The following IMPG2 variants were observed in gnomAD, a reference collection of about 807,000 sequenced individuals.
The protein encoded by IMPG2 is IPM 200.
A neutral mutation model predicts 129.2 loss-of-function variants in IMPG2; 91 were observed. The ratio of observed to expected loss-of-function variants is 0.70; its 90% CI spans 0.59 to 0.84. The LOEUF (loss-of-function observed/expected upper bound fraction) is 0.84, where lower values mean the gene tolerates loss of function less well. IMPG2 is among the 40% of genes least tolerant of loss of function. The pLI is 0.00. For synonymous variants in IMPG2, 510 were observed against 517.7 expected, an observed-to-expected ratio of 0.99 and a Z score of 0.20; for missense variants, 1,430 against 1,461.7, an observed-to-expected ratio of 0.98 and a Z score of 0.35.
intron 2 of IMPG2, among the ~76,000 whole-genome samples, chr3:101,305,287 C>A (rs939903405): frequency 3.7e-4 from 56 of 152,152 alleles, no homozygotes; most frequent in African/African-American, 1.3e-3. Context: ...AAAGGCAAAA[C>A]TATGGAGACA....
At chr3:101,301,654 AG>A (rs1295907821) in intron 3 of IMPG2, among the ~76,000 whole-genome samples, 1 of 152,214 alleles carries the variant, frequency 6.6e-6, no homozygotes, top group African/African-American at 2.4e-5. Flanking sequence ...AGAAACTGGA[AG>A]GCTTCTTGGG....
At position 101,275,698 on chromosome 3, in the gene IMPG2, C is replaced by T. The variant is rs1387048866; in HGVS notation, c.631G>A (p.Ala211Thr). The T allele has an allele frequency of 3.1e-6, 5 of 1,614,000 alleles. No homozygotes were observed. In the South Asian group the frequency reaches 5.5e-5, roughly 18 times the overall value. ...PHPEVDAYEG[A>T]SESSLERPEE... is the part of the protein sequence containing the mutation. ...GGCCTTTCCAAGCTGCTCTCTGAGG[C>T]ACCTTCATAGGCGTCCACCTCTGGA... The change falls in exon 6 of 19, where the codon GCC becomes ACC. Residue 211 changes from alanine to threonine, a missense_variant. Ala to Thr is a moderately conservative substitution (Grantham distance 58, BLOSUM62 0). Coordinates refer to ENST00000193391, the MANE Select transcript of IMPG2 (RefSeq NM_016247.4).
chr3:101,305,402 G>A (rs553739380), intron 2 of IMPG2, among the ~76,000 whole-genome samples: 1 of 152,246 alleles, frequency 6.6e-6, no homozygotes, highest in Admixed American at 6.5e-5. Flanking sequence ...TACTATAATG[G>A]AGGATACATG....
intron 14 of IMPG2, among the ~76,000 whole-genome samples, chr3:101,234,012 G>A (rs1403747768): frequency 2.0e-5 from 3 of 151,726 alleles, no homozygotes; most frequent in African/African-American, 7.3e-5. Context: ...CTTGGAGTTT[G>A]GAGATCACTG....
intron 2 of IMPG2, among the ~76,000 whole-genome samples, chr3:101,306,754 G>C (rs529636436): frequency 6.6e-6 from 1 of 152,102 alleles, no homozygotes; most frequent in South Asian, 2.1e-4. Context: ...AAAATGATTT[G>C]AAATATTAGG....
intron 3 of IMPG2, among the ~76,000 whole-genome samples, chr3:101,291,834 C>A (rs545870019): frequency 6.6e-6 from 1 of 152,162 alleles, no homozygotes; most frequent in East Asian, 1.9e-4. Flanking sequence ...ATAAACCTGC[C>A]ATGGATTTAG....
rs137976588 is a variant in IMPG2, at chr3:101,291,556, T to C, written c.502-46A>G. ...AAAATGACTGAGTTAACAACAGTTATTAAGGAGTAAATAAAACTTATTTCA... is the reference window on the plus strand; with the variant it reads ...AAAATGACTGAGTTAACAACAGTTACTAAGGAGTAAATAAAACTTATTTCA... On this transcript the variant is annotated intron_variant, in intron 3 of 18. Coordinates refer to ENST00000193391, the MANE Select transcript of IMPG2 (RefSeq NM_016247.4). The C allele has an allele frequency of 4.1e-5, 60 of 1,459,892 alleles. No individual in the cohort carries two copies. In the African/African-American group the frequency reaches 6.7e-4, roughly 16 times the overall value. The allele number at this position is 1,459,892 out of a possible 1,614,324, so 90.4% of individuals were successfully genotyped here.
intron 3 of IMPG2, among the ~76,000 whole-genome samples, chr3:101,301,763 T>C (rs1707141713): frequency 6.6e-6 from 1 of 152,210 alleles, no homozygotes; most frequent in Non-Finnish European, 1.5e-5. Flanking sequence ...GTCTGGTTGG[T>C]ATCTTTATCC....
chr3:101,237,418 C>G (rs1171267133), intron 14 of IMPG2, among the ~76,000 whole-genome samples: 5 of 152,194 alleles, frequency 3.3e-5, no homozygotes, highest in African/African-American at 1.2e-4. Flanking sequence ...TGTCTCCTGA[C>G]TGGGGGACAC....
At chr3:101,278,357 C>T (rs1706859694) in intron 4 of IMPG2, among the ~76,000 whole-genome samples, 1 of 152,142 alleles carries the variant, frequency 6.6e-6, no homozygotes, top group Non-Finnish European at 1.5e-5. Flanking sequence ...CCCAGTAAGT[C>T]ACATCTTCAG....
intron 2 of IMPG2, among the ~76,000 whole-genome samples, chr3:101,308,378 C>T (rs1219470513): frequency 6.6e-6 from 1 of 152,254 alleles, no homozygotes; most frequent in African/African-American, 2.4e-5. Flanking sequence ...GACATCCAGA[C>T]ATTTCACTAC....
At chr3:101,231,290 T>C in intron 15 of IMPG2, 145 bp from the exon 16 acceptor site, 2 of 785,834 alleles carry the variant, frequency 2.5e-6, no homozygotes, top group Non-Finnish European at 4.4e-6. Flanking sequence ...ATAGACAGAT[T>C]AAAAGATCAT....
chr3:101,243,800 C>T lies in IMPG2; in HGVS notation c.2531G>A (p.Arg844Gln), dbSNP rs139105788. 136 of 1,614,136 alleles carry T rather than the reference C, an allele frequency of 8.4e-5. 1 individual carries two copies. In the Middle Eastern group the frequency reaches 9.7e-3, roughly 116 times the overall value. Residue 844 changes from arginine to glutamine, a missense_variant, in exon 13 of 19, where the codon CGG (arginine) becomes CAG (glutamine). Arg to Gln is a conservative substitution (Grantham distance 43). Transcript: ENST00000193391. Reference sequence around the variant, plus strand: ...AGGCTGATAGTAATCTGTGCCTATCCGGTCCAGTTCTAACGAAATATCCTG... The same window carrying T: ...AGGCTGATAGTAATCTGTGCCTATCTGGTCCAGTTCTAACGAAATATCCTG... ...GVQDISLELD[R>Q]IGTDYYQPEQ...
chr3:101,298,939 T>C lies in IMPG2; in HGVS notation c.501+5207A>G, dbSNP rs149361553. Among the ~76,000 whole-genome samples the C allele has an allele frequency of 5.4e-3, 825 of 152,324 alleles. 8 individuals carry two copies. The highest frequency in any genetic ancestry group is 0.019 in the African/African-American group (772 of 41,554). ...CTCTGTATTTCCTGAATTTGCATGTTGGCCTGTCTTGCTAGGTTGGGGAAG... is the reference window on the plus strand; with the variant it reads ...CTCTGTATTTCCTGAATTTGCATGTCGGCCTGTCTTGCTAGGTTGGGGAAG... On this transcript the variant is annotated intron_variant, in intron 3 of 18. Coordinates refer to ENST00000193391, the MANE Select transcript of IMPG2 (RefSeq NM_016247.4).
chr3:101,263,037 C>T (rs936007120), intron 9 of IMPG2, among the ~76,000 whole-genome samples: 1 of 151,754 alleles, frequency 6.6e-6, no homozygotes, highest in Non-Finnish European at 1.5e-5. Context: ...AATGGAGCAC[C>T]AAGACATATA....
intron 8 of IMPG2, 98 bp downstream of exon 8, chr3:101,269,412 TCAAAC>T: frequency 1.3e-6 from 1 of 740,864 alleles, no homozygotes; most frequent in Non-Finnish European, 2.4e-6. Flanking sequence ...GTTACAGCAT[TCAAAC>T]CATTTATTGT....
chr3:101,239,537 G>A (rs1706383664), intron 14 of IMPG2, among the ~76,000 whole-genome samples: 1 of 152,134 alleles, frequency 6.6e-6, no homozygotes, highest in African/African-American at 2.4e-5. Context: ...GATTCCTTAA[G>A]GATCTAGAAC....
chr3:101,226,224 T>G lies in IMPG2; in HGVS notation c.*745A>C, dbSNP rs1706219999. On this transcript the variant is annotated 3_prime_UTR_variant, in exon 19 of 19. Coordinates refer to ENST00000193391, the MANE Select transcript of IMPG2 (RefSeq NM_016247.4). ...TTAGATTAATGGGAATCTTCTAAACTTTATATATATATATATATATATATA... is the reference window on the plus strand; with the variant it reads ...TTAGATTAATGGGAATCTTCTAAACGTTATATATATATATATATATATATA... 1 of 66,672 alleles carries G rather than the reference T, an allele frequency of 1.5e-5. No homozygotes were observed. The highest frequency in any genetic ancestry group is 3.1e-5 in the Non-Finnish European group (1 of 32,534). The allele number at this position is 66,672 out of a possible 1,614,324, so 4.1% of individuals were successfully genotyped here.
intron 9 of IMPG2, among the ~76,000 whole-genome samples, chr3:101,265,833 G>T (rs1576756748): frequency 6.6e-6 from 1 of 151,994 alleles, no homozygotes; most frequent in Admixed American, 6.6e-5. Flanking sequence ...GAATATAGAA[G>T]AAACTCAAAT....
Sources: gnomAD v4.1 joint callset for allele counts (sites outside exome capture counted in the v4.1 genomes callset) on GRCh38, gnomAD v4.1.1 for gene constraint, MANE v1.5 for transcripts, NCBI Gene and HGNC (gene_info 2026-07-23, HGNC 2026-07-21) for gene names.